The following SPOCK3 variants were observed in gnomAD, a reference collection of about 807,000 sequenced individuals.
SPOCK3 encodes SPARC (osteonectin), cwcv and kazal like domains proteoglycan 3.
SPOCK3 carries 30 observed loss-of-function variants against 56.6 expected under a neutral mutation model. That is an observed-to-expected ratio of 0.53 (90% CI 0.40 to 0.72). The LOEUF (loss-of-function observed/expected upper bound fraction) is 0.72. Among genes scored for constraint, SPOCK3 ranks in the 30% least tolerant of loss-of-function variants. The pLI is 0.00. For synonymous variants in SPOCK3, 196 were observed against 183.3 expected, an observed-to-expected ratio of 1.07 and a Z score of -0.56; for missense variants, 527 against 530.0, an observed-to-expected ratio of 0.99 and a Z score of 0.06.
At chr4:167,202,892 T>C (rs1733657590) in intron 2 of SPOCK3, among the ~76,000 whole-genome samples, 2 of 151,890 alleles carry the variant, frequency 1.3e-5, no homozygotes, top group African/African-American at 4.8e-5. Context: ...AGATATTTAA[T>C]AGTAATTTTT....
At chr4:167,203,710 G>A (rs927551048) in intron 2 of SPOCK3, among the ~76,000 whole-genome samples, 13 of 152,040 alleles carry the variant, frequency 8.6e-5, no homozygotes, top group East Asian at 3.9e-4. Flanking sequence ...TGCTGAAGAT[G>A]TGGAGTAAAA....
intron 2 of SPOCK3, among the ~76,000 whole-genome samples, chr4:167,116,229 A>C (rs887923456): frequency 6.6e-6 from 1 of 151,814 alleles, no homozygotes; most frequent in African/African-American, 2.4e-5. Context: ...ATGAGGAAGA[A>C]AATTCCTTGC....
chr4:167,078,665 T>C (rs1316196741), intron 2 of SPOCK3, among the ~76,000 whole-genome samples: 2 of 151,790 alleles, frequency 1.3e-5, no homozygotes, highest in Non-Finnish European at 1.5e-5. Flanking sequence ...AATCACCCTA[T>C]GATGCAGGTA....
At chr4:166,754,755 T>C (rs1736854058) in intron 7 of SPOCK3, 26 bp from the exon 8 acceptor site, 1 of 1,610,900 alleles carries the variant, frequency 6.2e-7, no homozygotes. Flanking sequence ...AGAAAATGAT[T>C]AGTTAAATAT....
intron 2 of SPOCK3, among the ~76,000 whole-genome samples, chr4:167,143,593 C>T (rs1219745266): frequency 6.6e-6 from 1 of 151,988 alleles, no homozygotes; most frequent in African/African-American, 2.4e-5. Context: ...GGATAATCAA[C>T]GGTGTCTTAA....
At chr4:166,800,208 G>GAAAAAAAAAAAAAAAAAAA (rs1207796263) in intron 6 of SPOCK3, among the ~76,000 whole-genome samples, 73 of 112,948 alleles carry the variant, frequency 6.5e-4, no homozygotes, top group East Asian at 3.3e-3. Context: ...AAAAAAAAAT[G>GAAAAAAAAAAAAAAAAAAA]AAAACATGGA....
chr4:167,056,973 T>A lies in SPOCK3; in HGVS notation c.235+5519A>T, dbSNP rs1370202536. 5.3e-5 allele frequency among the ~76,000 whole-genome samples: 8 copies of A among 151,986 alleles called. No homozygotes were observed. In the East Asian group the frequency reaches 5.8e-4, roughly 11 times the overall value. On this transcript the variant is annotated intron_variant, in intron 3 of 10. Coordinates refer to ENST00000357545, the MANE Select transcript of SPOCK3 (RefSeq NM_001040159.2). The stretch of plus-strand genomic sequence containing the variant: ...ACTCCTCGAGAAGAGCAACTCCAAG[T>A]CACATAATTGTCAGGTTCACCAAAG...
At chr4:167,137,500 T>G (rs185644228) in intron 2 of SPOCK3, among the ~76,000 whole-genome samples, 1 of 152,116 alleles carries the variant, frequency 6.6e-6, no homozygotes, top group Non-Finnish European at 1.5e-5. Context: ...TTTTATTGAT[T>G]AATTCTTTGG....
chr4:166,805,851 A>G (rs1234184969), intron 6 of SPOCK3, among the ~76,000 whole-genome samples: 1 of 152,146 alleles, frequency 6.6e-6, no homozygotes, highest in East Asian at 1.9e-4. Flanking sequence ...ATAAAATACC[A>G]TAAGTACACG....
At chr4:167,019,768 C>T (rs370296656) in intron 3 of SPOCK3, among the ~76,000 whole-genome samples, 11 of 152,120 alleles carry the variant, frequency 7.2e-5, no homozygotes, top group South Asian at 6.2e-4. Context: ...TTTCATTTTC[C>T]GACCTTCTTT....
intron 3 of SPOCK3, among the ~76,000 whole-genome samples, chr4:167,011,598 T>C (rs1387375372): frequency 6.6e-6 from 1 of 152,158 alleles, no homozygotes; most frequent in Non-Finnish European, 1.5e-5. Flanking sequence ...TGTTAAAATA[T>C]AGCTTTAAAT....
intron 2 of SPOCK3, among the ~76,000 whole-genome samples, chr4:167,126,296 C>T (rs1762272461): frequency 6.6e-6 from 1 of 152,066 alleles, no homozygotes; most frequent in African/African-American, 2.4e-5. Flanking sequence ...ACATGTAATC[C>T]CAGCACTTTG....
chr4:166,792,306 A>G lies in SPOCK3; in HGVS notation c.590-17T>C. 1 of 1,613,444 alleles carries G rather than the reference A, an allele frequency of 6.2e-7. No individual in the cohort carries two copies. The highest frequency in any genetic ancestry group is 1.1e-5 in the South Asian group (1 of 91,056). On this transcript the variant is annotated splice_polypyrimidine_tract_variant and intron_variant, in intron 6 of 10. Coordinates refer to ENST00000357545, the MANE Select transcript of SPOCK3 (RefSeq NM_001040159.2). Reference sequence around the variant, plus strand: ...CACTGCATGCTAAAAACAGAGAAACAACACAAGTCTTGAATAATATCTTAG... The same window carrying G: ...CACTGCATGCTAAAAACAGAGAAACGACACAAGTCTTGAATAATATCTTAG...
chr4:167,115,422 T>C (rs956883014), intron 2 of SPOCK3, among the ~76,000 whole-genome samples: 3 of 151,904 alleles, frequency 2.0e-5, no homozygotes, highest in Non-Finnish European at 4.4e-5. Flanking sequence ...ATATTTTAAA[T>C]GAAAATAAAA....
At chr4:167,160,570 G>A (rs1052545713) in intron 2 of SPOCK3, among the ~76,000 whole-genome samples, 17 of 146,638 alleles carry the variant, frequency 1.2e-4, no homozygotes, top group African/African-American at 4.1e-4. Flanking sequence ...CCAAAAAAGA[G>A]CCCGCATCGC....
At chr4:167,179,245 C>T (rs888635165) in intron 2 of SPOCK3, among the ~76,000 whole-genome samples, 4 of 152,120 alleles carry the variant, frequency 2.6e-5, no homozygotes, top group African/African-American at 7.2e-5. Context: ...TATTGGCCAA[C>T]GTAGAAACTT....
chr4:166,917,520 T>C (rs1737993610), intron 4 of SPOCK3, among the ~76,000 whole-genome samples: 1 of 152,166 alleles, frequency 6.6e-6, no homozygotes, highest in Non-Finnish European at 1.5e-5. Context: ...CTGGAGTAAA[T>C]GTATGACTTT....
intron 2 of SPOCK3, among the ~76,000 whole-genome samples, chr4:167,217,988 G>C (rs1168943566): frequency 1.3e-5 from 2 of 151,734 alleles, no homozygotes; most frequent in Non-Finnish European, 1.5e-5. Context: ...AAACATCACA[G>C]TATAGTCCAA....
intron 2 of SPOCK3, among the ~76,000 whole-genome samples, chr4:167,063,081 C>T (rs1394379394): frequency 2.0e-5 from 3 of 151,738 alleles, no homozygotes; most frequent in African/African-American, 7.3e-5. Context: ...AATCGAATAT[C>T]TAAGAAGTTC....
Sources: allele counts gnomAD v4.1 joint callset (sites outside exome capture counted in the v4.1 genomes callset), GRCh38; gene constraint gnomAD v4.1.1; transcripts MANE v1.5; gene names NCBI Gene and HGNC (gene_info 2026-07-23, HGNC 2026-07-21).